C14orf39: variants seen among roughly 807,000 people sequenced by gnomAD.
C14orf39 encodes protein SIX6OS1.
A neutral mutation model predicts 85.6 loss-of-function variants in C14orf39; 66 were observed. The ratio of observed to expected loss-of-function variants is 0.77; its 90% CI spans 0.63 to 0.95. C14orf39 has a LOEUF of 0.95. C14orf39 is among the 40% of genes least tolerant of loss of function. C14orf39 has a pLI of 0.00. For missense variants in C14orf39, 735 were observed against 663.9 expected, an observed-to-expected ratio of 1.11 and a Z score of -1.18; for synonymous variants, 242 against 214.0, an observed-to-expected ratio of 1.13 and a Z score of -1.14.
intron 11 of C14orf39, 85 bp downstream of exon 11, chr14:60,465,872 ACACACACACACACACACACACG>A (rs1397666709): frequency 1.2e-3 from 18 of 14,426 alleles, no homozygotes; most frequent in Admixed American, 9.7e-3. Context: ...ACACACACAC[ACACACACACACACACACACACG>A]TCTGTGTCTT....
intron 1 of C14orf39, among the ~76,000 whole-genome samples, chr14:60,514,693 C>G (rs959723791): frequency 4.6e-5 from 7 of 152,176 alleles, no homozygotes; most frequent in African/African-American, 1.4e-4. Flanking sequence ...GCAAAGAGCT[C>G]AAGCAAAGTC....
At chr14:60,463,572 T>C (rs1439960840) in intron 11 of C14orf39, among the ~76,000 whole-genome samples, 1 of 152,086 alleles carries the variant, frequency 6.6e-6, no homozygotes, top group African/African-American at 2.4e-5. Context: ...AATCTACACT[T>C]TTAAGTGGTA....
rs1337269041 is a variant in C14orf39, at chr14:60,483,676, C to A, written c.233+15G>T. ...TAAAAGAATGCAATGAAAATTGATT[C>A]TTTCAAATACTCACTTTCTACAGTT... On this transcript the variant is annotated intron_variant, in intron 4 of 17. Coordinates refer to ENST00000321731, the MANE Select transcript of C14orf39 (RefSeq NM_174978.3). 1.3e-6 allele frequency: 2 copies of A among 1,568,636 alleles called. No individual in the cohort carries two copies. The highest frequency in any genetic ancestry group is 8.6e-7 in the Non-Finnish European group (1 of 1,161,010).
At position 60,515,485 on chromosome 14, in the gene C14orf39, G is replaced by T. The variant is rs997969253; in HGVS notation, c.-234C>A. On this transcript the variant is annotated 5_prime_UTR_variant, in exon 1 of 6. Coordinates refer to the C14orf39 transcript ENST00000556799. The surrounding 1 kb of genome is among the most constrained non-coding windows in gnomAD (Gnocchi z 6.2). ...TGCGTGACTCAGCGGCTCGAGGAGA[G>T]AAACCTCTCAAAACCGGGGGACCGA... 4 of 151,902 alleles carry T rather than the reference G, an allele frequency of 2.6e-5. No individual in the cohort carries two copies. The highest frequency in any genetic ancestry group is 6.5e-5 in the Admixed American group (1 of 15,286). The allele number at this position is 151,902 out of a possible 1,614,324, so 9.4% of individuals were successfully genotyped here.
Position 60,509,110 on chromosome 14 carries a change from T to C in C14orf39, c.-144+6285A>G, listed in dbSNP as rs548783042. 9.2e-5 allele frequency: 44 copies of C among 479,014 alleles called. No homozygotes were observed. In the South Asian group the frequency reaches 9.4e-4, roughly 10 times the overall value. The allele number at this position is 479,014 out of a possible 1,614,324, so 29.7% of individuals were successfully genotyped here. On this transcript the variant is annotated intron_variant, in intron 1 of 5. Transcript: ENST00000556799. ...GAGCCACCCGGTGACTGACAGGGGG[T>C]CTCCATGGCGCCCGCGCCGCCAATC... is the stretch of plus-strand genomic sequence containing the variant.
intron 5 of C14orf39, among the ~76,000 whole-genome samples, chr14:60,475,706 C>T (rs1258479605): frequency 6.6e-6 from 1 of 151,978 alleles, no homozygotes; most frequent in African/African-American, 2.4e-5. Flanking sequence ...ACTATCTGGT[C>T]CTTTACCAAA....
At chr14:60,503,967 A>G (rs915016698) in intron 1 of C14orf39, among the ~76,000 whole-genome samples, 2 of 152,108 alleles carry the variant, frequency 1.3e-5, no homozygotes, top group Non-Finnish European at 2.9e-5. Flanking sequence ...TCTTAACAGC[A>G]GTGTTATTGA....
At chr14:60,509,516 G>T in intron 1 of C14orf39, 2 of 1,606,298 alleles carry the variant, frequency 1.2e-6, no homozygotes, top group Non-Finnish European at 8.5e-7. Context: ...GCTGCCCGTG[G>T]CCCCTGCGGC....
chr14:60,513,674 AG>A (rs1889894295), intron 1 of C14orf39, among the ~76,000 whole-genome samples: 1 of 152,220 alleles, frequency 6.6e-6, no homozygotes, highest in Non-Finnish European at 1.5e-5. Context: ...ATAATGTAAA[AG>A]AATTTGAGAT....
At chr14:60,481,035 G>A (rs186552120) in intron 4 of C14orf39, among the ~76,000 whole-genome samples, 1 of 152,188 alleles carries the variant, frequency 6.6e-6, no homozygotes, top group African/African-American at 2.4e-5. Context: ...AAAAATTAGT[G>A]ATCTACTGCA....
At chr14:60,450,451 G>A (rs1321362334) in intron 16 of C14orf39, among the ~76,000 whole-genome samples, 2 of 152,206 alleles carry the variant, frequency 1.3e-5, no homozygotes, top group African/African-American at 4.8e-5. Context: ...GGAGGGAAGA[G>A]CAGGAAGGAC....
Position 60,449,390 on chromosome 14 carries a change from G to A in C14orf39, c.1503+5611C>T, listed in dbSNP as rs558680060. On this transcript the variant is annotated intron_variant, in intron 16 of 17. Transcript: ENST00000321731. ...TATTGACGTACAGTGTAAGATGAAT[G>A]CGTAATTTACTCCTATTAATTTGTA... Among the ~76,000 whole-genome samples, 20 of 152,144 alleles carry A rather than the reference G, an allele frequency of 1.3e-4. No homozygotes were observed. In the East Asian group the frequency reaches 3.3e-3, roughly 25 times the overall value.
intron 8 of C14orf39, 26 bp from the exon 9 acceptor site, chr14:60,468,562 A>G: frequency 7.3e-7 from 1 of 1,378,358 alleles, no homozygotes; most frequent in South Asian, 1.4e-5. Flanking sequence ...GGAACACAAA[A>G]CAAAATAATT....
At chr14:60,501,658 T>C (rs893145602) in intron 1 of C14orf39, among the ~76,000 whole-genome samples, 7 of 152,340 alleles carry the variant, frequency 4.6e-5, no homozygotes, top group Non-Finnish European at 8.8e-5. Context: ...TTGGGGAATT[T>C]CATGTAAGCT....
rs1890267897 is a variant in C14orf39 at position 60,436,780 on chromosome 14, A to G, written c.*65T>C. On this transcript the variant is annotated 3_prime_UTR_variant, in exon 18 of 18. Coordinates refer to ENST00000321731, the MANE Select transcript of C14orf39 (RefSeq NM_174978.3). ...GAAAGCAGTCTTCATGTTTTAAGCA[A>G]TAATGTAAATTTATGCCCTCATGAA... 4 of 1,037,218 alleles carry G rather than the reference A, an allele frequency of 3.9e-6. No homozygotes were observed. The highest frequency in any genetic ancestry group is 5.8e-6 in the Non-Finnish European group (4 of 690,448). 64.3% of individuals were successfully genotyped at this position (1,037,218 alleles called of 1,614,324 possible).
intron 10 of C14orf39, among the ~76,000 whole-genome samples, 176 bp downstream of exon 10, chr14:60,466,741 T>G (rs1249991210): frequency 6.6e-6 from 1 of 151,900 alleles, no homozygotes; most frequent in Non-Finnish European, 1.5e-5. Context: ...AAAAGTTACG[T>G]ATAGAAGACA....
At chr14:60,450,794 G>A (rs1308181385) in intron 16 of C14orf39, among the ~76,000 whole-genome samples, 2 of 152,198 alleles carry the variant, frequency 1.3e-5, no homozygotes, top group Admixed American at 1.3e-4. Context: ...AGGCAGCTCA[G>A]CACAGAGAGA....
At chr14:60,487,831 C>G (rs569245661), upstream of C14orf39, among the ~76,000 whole-genome samples, 1 of 152,066 alleles carries the variant, frequency 6.6e-6, no homozygotes, top group Non-Finnish European at 1.5e-5. Context: ...TGTGACGTAT[C>G]CTATTGTGGT....
At chr14:60,486,194 CCTT>C (rs1224252698), upstream of C14orf39, 4 of 152,222 alleles carry the variant, frequency 2.6e-5, no homozygotes, top group Non-Finnish European at 5.9e-5. Flanking sequence ...TGCAACCGCT[CCTT>C]CTTCGCGGGT....
Sources: allele counts gnomAD v4.1 joint callset (sites outside exome capture counted in the v4.1 genomes callset), GRCh38; gene constraint gnomAD v4.1.1; non-coding constraint Gnocchi (gnomAD v3.1); transcripts MANE v1.5; gene names NCBI Gene and HGNC (gene_info 2026-07-23, HGNC 2026-07-21).